The following SPMIP2 variants were observed in gnomAD, a reference collection of about 807,000 sequenced individuals.
SPMIP2 encodes sperm microtubule inner protein 2.
the SPMIP2 span, among the ~76,000 whole-genome samples, chr4:159,049,139 T>C: frequency 2.6e-5 from 4 of 152,318 alleles, no homozygotes; most frequent in African/African-American, 9.6e-5. Context: ...GAAAACACTG[T>C]CGAGAAAGAT....
chr4:158,932,636 A>G, the SPMIP2 span, among the ~76,000 whole-genome samples: 1 of 152,110 alleles, frequency 6.6e-6, no homozygotes, highest in Non-Finnish European at 1.5e-5. Flanking sequence ...CTTTTGGCAA[A>G]TGTCCATGGG....
chr4:158,953,996 G>T, the SPMIP2 span, among the ~76,000 whole-genome samples: 4 of 152,176 alleles, frequency 2.6e-5, no homozygotes, highest in Admixed American at 2.0e-4. Flanking sequence ...TTGCCTTGTC[G>T]CAGAGGAAAC....
At chr4:159,001,082 C>T in the SPMIP2 span, among the ~76,000 whole-genome samples, 4 of 152,164 alleles carry the variant, frequency 2.6e-5, no homozygotes, top group Admixed American at 2.0e-4. Context: ...TTCCAAATTG[C>T]TTCAACAGTA....
the SPMIP2 span, among the ~76,000 whole-genome samples, chr4:158,977,646 G>T: frequency 8.3e-6 from 1 of 120,796 alleles, no homozygotes; most frequent in African/African-American, 3.3e-5. Flanking sequence ...ACGGAGTCTC[G>T]CTCTGTCAGC....
At chr4:158,963,836 G>A in the SPMIP2 span, among the ~76,000 whole-genome samples, 2 of 152,162 alleles carry the variant, frequency 1.3e-5, no homozygotes, top group Non-Finnish European at 2.9e-5. Flanking sequence ...GGATTTGACA[G>A]GAGGGAGACT....
the SPMIP2 span, among the ~76,000 whole-genome samples, chr4:159,020,044 T>C: frequency 6.6e-6 from 1 of 151,720 alleles, no homozygotes; most frequent in African/African-American, 2.4e-5. Context: ...TGCTTGAACC[T>C]GGGAGTCGGA....
chr4:158,984,171 C>T, the SPMIP2 span, among the ~76,000 whole-genome samples: 1 of 66,958 alleles, frequency 1.5e-5, no homozygotes, highest in South Asian at 6.7e-4. Context: ...TACAAAGAGA[C>T]TTAGACTCCC....
At chr4:159,007,085 T>A in the SPMIP2 span, 1 of 577,358 alleles carries the variant, frequency 1.7e-6, no homozygotes, top group Non-Finnish European at 3.3e-6. Flanking sequence ...CATACGGTAA[T>A]TAGGAGGCCA....
the SPMIP2 span, among the ~76,000 whole-genome samples, chr4:158,967,822 G>GT: frequency 1.7e-4 from 26 of 152,212 alleles, no homozygotes; most frequent in African/African-American, 6.0e-4. Flanking sequence ...ACAGGACACT[G>GT]TTGTATAGGA....
At chr4:158,909,166 G>C in the SPMIP2 span, among the ~76,000 whole-genome samples, 3 of 152,034 alleles carry the variant, frequency 2.0e-5, no homozygotes, top group Non-Finnish European at 2.9e-5. Context: ...CAAAATATTT[G>C]CTCTGAAAAG....
At chr4:159,012,559 T>A in the SPMIP2 span, among the ~76,000 whole-genome samples, 1 of 132,544 alleles carries the variant, frequency 7.5e-6, no homozygotes, top group Admixed American at 8.4e-5. Flanking sequence ...AGCTAACCTA[T>A]CACCACAGTA....
the SPMIP2 span, among the ~76,000 whole-genome samples, chr4:159,076,636 T>C: frequency 8.5e-5 from 13 of 152,308 alleles, no homozygotes; most frequent in East Asian, 2.1e-3. Context: ...ATAAATACTT[T>C]AAAACATACT....
At chr4:159,066,935 T>C in the SPMIP2 span, among the ~76,000 whole-genome samples, 4 of 152,302 alleles carry the variant, frequency 2.6e-5, no homozygotes, top group South Asian at 6.2e-4. Flanking sequence ...TGTGTATCAA[T>C]AGAACTTTTA....
the SPMIP2 span, among the ~76,000 whole-genome samples, chr4:159,034,759 C>T: frequency 1.3e-5 from 2 of 152,074 alleles, no homozygotes; most frequent in South Asian, 2.1e-4. Context: ...GGCATGATGG[C>T]AGATGCCTGT....
the SPMIP2 span, among the ~76,000 whole-genome samples, chr4:158,925,365 AG>A: frequency 9.4e-4 from 143 of 152,316 alleles, no homozygotes; most frequent in Middle Eastern, 3.4e-3. Flanking sequence ...TATTTCTATA[AG>A]ATCAGTAGTG....
the SPMIP2 span, chr4:158,893,809 G>T: frequency 1.2e-6 from 1 of 812,908 alleles, no homozygotes. Flanking sequence ...CATACGTCTT[G>T]TCACAGTTGA....
At chr4:158,973,170 T>C in the SPMIP2 span, 58 of 1,613,332 alleles carry the variant, frequency 3.6e-5, no homozygotes, top group Non-Finnish European at 4.3e-5. Context: ...CTCATGTTTA[T>C]ATTTTGCTGG....
chr4:159,020,910 C>T, the SPMIP2 span, among the ~76,000 whole-genome samples: 120 of 152,218 alleles, frequency 7.9e-4, no homozygotes, highest in African/African-American at 2.6e-3. Context: ...TACAGGCGCC[C>T]ACCACCACGC....
At chr4:159,060,444 A>T in the SPMIP2 span, among the ~76,000 whole-genome samples, 1 of 152,212 alleles carries the variant, frequency 6.6e-6, no homozygotes, top group Non-Finnish European at 1.5e-5. Flanking sequence ...TGGAGTCAGA[A>T]AACAGAAGTT....
Sources: allele counts gnomAD v4.1 joint callset (sites outside exome capture counted in the v4.1 genomes callset), GRCh38; gene constraint gnomAD v4.1.1; transcripts MANE v1.5; gene names NCBI Gene and HGNC (gene_info 2026-07-23, HGNC 2026-07-21).